The following EXOC6B variants were observed in gnomAD, a reference collection of about 807,000 sequenced individuals.
EXOC6B encodes the protein SEC15 homolog B.
In EXOC6B, 54 loss-of-function variants were observed where a neutral mutation model predicts 113.5. The ratio of observed to expected loss-of-function variants is 0.48; its 90% CI spans 0.38 to 0.60. The LOEUF (loss-of-function observed/expected upper bound fraction) is 0.60. EXOC6B is among the 20% of genes least tolerant of loss of function. EXOC6B has a pLI of 0.00. For synonymous variants in EXOC6B, 357 were observed against 339.0 expected (o/e 1.05, Z -0.58); for missense variants, 797 against 977.5 (o/e 0.82, Z 2.46).
At chr2:72,271,259 A>G (rs945679639) in intron 20 of EXOC6B, among the ~76,000 whole-genome samples, 77 of 152,082 alleles carry the variant, frequency 5.1e-4, no homozygotes, top group African/African-American at 1.7e-3. Flanking sequence ...CTCGAGTTTA[A>G]ATTAAGTAGG....
intron 20 of EXOC6B, among the ~76,000 whole-genome samples, chr2:72,305,519 T>C (rs997380269): frequency 4.6e-5 from 7 of 152,066 alleles, no homozygotes; most frequent in Non-Finnish European, 8.8e-5. Context: ...ATAATCAAAT[T>C]ATTCAGCTCA....
chr2:72,774,938 T>G (rs1271445381), intron 1 of EXOC6B, among the ~76,000 whole-genome samples: 1 of 152,172 alleles, frequency 6.6e-6, no homozygotes, highest in African/African-American at 2.4e-5. Flanking sequence ...ACTAGAATAA[T>G]ATAGAACTCA....
chr2:72,344,166 C>T (rs1689183594), intron 19 of EXOC6B, among the ~76,000 whole-genome samples: 1 of 152,066 alleles, frequency 6.6e-6, no homozygotes, highest in South Asian at 2.1e-4. Flanking sequence ...ATTGTCTTCT[C>T]TTCCCATTCA....
chr2:72,802,664 AAGGCCCT>A (rs1385520915), intron 1 of EXOC6B, among the ~76,000 whole-genome samples: 34 of 152,178 alleles, frequency 2.2e-4, no homozygotes, highest in African/African-American at 7.7e-4. Flanking sequence ...TCAGAAAGAA[AAGGCCCT>A]TTTCATCTTG....
chr2:72,514,993 A>T (rs371586826), intron 9 of EXOC6B, 50 bp downstream of exon 9: 2 of 1,482,756 alleles, frequency 1.3e-6, no homozygotes, highest in East Asian at 2.4e-5. Flanking sequence ...ATCAAAAGAC[A>T]TCAAGGAGGA....
At chr2:72,276,219 A>T (rs906801964) in intron 20 of EXOC6B, among the ~76,000 whole-genome samples, 3 of 152,130 alleles carry the variant, frequency 2.0e-5, no homozygotes, top group African/African-American at 7.2e-5. Context: ...ATACCCGATG[A>T]CTGCATCACT....
At chr2:72,319,191 T>TA (rs1263682908) in intron 20 of EXOC6B, among the ~76,000 whole-genome samples, 1 of 151,922 alleles carries the variant, frequency 6.6e-6, no homozygotes, top group Non-Finnish European at 1.5e-5. Context: ...TGATGGTCTG[T>TA]AAAACTGATG....
chr2:72,600,560 G>C (rs1670360038), intron 6 of EXOC6B, among the ~76,000 whole-genome samples: 1 of 151,214 alleles, frequency 6.6e-6, no homozygotes, highest in African/African-American at 2.4e-5. Context: ...CACACAAACA[G>C]AGTCAACTGA....
In EXOC6B at chr2:72,480,655, T is replaced by A. The variant is rs114450435; in HGVS notation, c.1761A>T (p.Thr587=). 2.2e-3 allele frequency: 3,487 copies of A among 1,588,968 alleles called. 63 individuals carry two copies. In the African/African-American group the frequency reaches 0.037, roughly 17 times the overall value. Residue 587 remains threonine (T), a synonymous_variant, in exon 17 of 22, where the codon ACA becomes ACT. Transcript: ENST00000272427. ...TGCCATAGAGCTTGGTAGTGTGAAC[T>A]GTCTCTGGAAGCACATTAGTGATGT... ...ITNITNVLPE[T]VHTTKLYGTT...
chr2:72,459,463 C>G (rs1261644521), intron 18 of EXOC6B, among the ~76,000 whole-genome samples: 1 of 152,144 alleles, frequency 6.6e-6, no homozygotes, highest in Non-Finnish European at 1.5e-5. Flanking sequence ...AACCCATTGT[C>G]TCAGCCCAAA....
intron 17 of EXOC6B, among the ~76,000 whole-genome samples, chr2:72,469,402 A>C (rs1322518229): frequency 1.3e-5 from 2 of 152,058 alleles, no homozygotes; most frequent in Non-Finnish European, 2.9e-5. Context: ...TATTAAATTT[A>C]GATCCTTCTT....
In EXOC6B at chr2:72,729,671, C is replaced by T. The variant is rs111268265; in HGVS notation, c.464+1336G>A. Among the ~76,000 whole-genome samples, 15 of 151,972 alleles carry T rather than the reference C, an allele frequency of 9.9e-5. 1 individual carries two copies. Among genetic ancestry groups the T allele is most frequent in the African/African-American group, 2.2e-4 (9 of 41,474 alleles). ...AACTTCTGGCCTCGAGTGATCCACCCGCCTCAGCCTCCCAAAGTGCTGGGA... is the reference window on the plus strand; with the variant it reads ...AACTTCTGGCCTCGAGTGATCCACCTGCCTCAGCCTCCCAAAGTGCTGGGA... On this transcript the variant is annotated intron_variant, in intron 5 of 21. Transcript: ENST00000272427.
chr2:72,368,384 C>A (rs1690770434), intron 19 of EXOC6B, among the ~76,000 whole-genome samples: 2 of 152,028 alleles, frequency 1.3e-5, no homozygotes, highest in Non-Finnish European at 2.9e-5. Context: ...AGCTTACCAG[C>A]CAAAAAAAGT....
intron 8 of EXOC6B, among the ~76,000 whole-genome samples, chr2:72,534,413 G>A (rs139656335): frequency 2.3e-4 from 35 of 152,026 alleles, no homozygotes; most frequent in Non-Finnish European, 4.4e-5. Flanking sequence ...AAAAACAGAA[G>A]AAGAGTGAAA....
intron 18 of EXOC6B, among the ~76,000 whole-genome samples, chr2:72,401,567 A>ATGTG (rs1693239668): frequency 5.4e-5 from 1 of 18,604 alleles, no homozygotes; most frequent in African/African-American, 3.8e-4. Context: ...ATATATATAC[A>ATGTG]TATATATATA....
chr2:72,631,457 TATATAGAGAG>T (rs1672446862), intron 6 of EXOC6B, among the ~76,000 whole-genome samples: 7 of 10,626 alleles, frequency 6.6e-4, no homozygotes, highest in Non-Finnish European at 6.7e-4. Context: ...TATATATATA[TATATAGAGAG>T]AGAGAGAGAG....
At chr2:72,451,219 G>T (rs1186687562) in intron 18 of EXOC6B, among the ~76,000 whole-genome samples, 1 of 152,100 alleles carries the variant, frequency 6.6e-6, no homozygotes, top group East Asian at 1.9e-4. Context: ...GGAAAAATAG[G>T]CACAAAAGAA....
chr2:72,534,338 G>A (rs35211157), intron 8 of EXOC6B, among the ~76,000 whole-genome samples: 3 of 152,092 alleles, frequency 2.0e-5, no homozygotes, highest in Middle Eastern at 3.4e-3. Flanking sequence ...TCCTCAGGGC[G>A]TGCCATGCTC....
chr2:72,286,179 C>CA (rs1438378140), intron 20 of EXOC6B, among the ~76,000 whole-genome samples: 1 of 152,132 alleles, frequency 6.6e-6, no homozygotes, highest in Non-Finnish European at 1.5e-5. Flanking sequence ...TATATTCACA[C>CA]AAAAATCTGC....
Sources: gnomAD v4.1 joint callset for allele counts (sites outside exome capture counted in the v4.1 genomes callset) on GRCh38, gnomAD v4.1.1 for gene constraint, MANE v1.5 for transcripts, NCBI Gene and HGNC (gene_info 2026-07-23, HGNC 2026-07-21) for gene names.